HELZ: variants seen among roughly 807,000 people sequenced by gnomAD.
HELZ encodes the protein helicase with zinc finger.
In HELZ, 23 loss-of-function variants were observed where a neutral mutation model predicts 218.2. That is an observed-to-expected ratio of 0.11 (90% CI 0.08 to 0.15). The LOEUF (loss-of-function observed/expected upper bound fraction) is 0.15. Ranked by LOEUF, HELZ falls within the 10% of genes least tolerant of loss-of-function variation. The pLI is 1.00. For synonymous variants in HELZ, 814 were observed against 829.4 expected, an observed-to-expected ratio of 0.98 and a Z score of 0.32; for missense variants, 1,813 against 2,353.7, an observed-to-expected ratio of 0.77 and a Z score of 4.75.
intron 3 of HELZ, among the ~76,000 whole-genome samples, chr17:67,228,458 T>A (rs890587583): frequency 6.6e-6 from 1 of 152,032 alleles, no homozygotes; most frequent in Non-Finnish European, 1.5e-5. Context: ...GCTTAGGAGT[T>A]CGAGACCAGC....
intron 20 of HELZ, 74 bp downstream of exon 20, chr17:67,148,494 AG>A: frequency 8.1e-7 from 1 of 1,238,232 alleles, no homozygotes; most frequent in South Asian, 1.4e-5. Flanking sequence ...TGTCCCTAGC[AG>A]CAGTGCTGTT....
intron 7 of HELZ, among the ~76,000 whole-genome samples, chr17:67,197,078 A>C (rs1369055050): frequency 2.6e-5 from 4 of 152,080 alleles, no homozygotes; most frequent in African/African-American, 9.7e-5. Flanking sequence ...TCCCACCCAA[A>C]TCTCATCTTG....
intron 21 of HELZ, among the ~76,000 whole-genome samples, chr17:67,141,518 T>G (rs1476282362): frequency 6.6e-6 from 1 of 151,930 alleles, no homozygotes; most frequent in East Asian, 1.9e-4. Flanking sequence ...ATCTCCTGTG[T>G]CTTCTTTATT....
At chr17:67,125,985 A>T (rs529668426) in intron 24 of HELZ, among the ~76,000 whole-genome samples, 1 of 152,212 alleles carries the variant, frequency 6.6e-6, no homozygotes, top group Admixed American at 6.5e-5. Flanking sequence ...AATGATTCCC[A>T]GCTGACAGTC....
rs1444090994 is a variant in HELZ at position 67,070,666 on chromosome 17, C to A, written c.*7586G>T. ...AGACAAAGAAAGAAGAAAATAAAAA[C>A]CCTAGAGAGTGGCTTTGGGGTTATT... is the stretch of plus-strand genomic sequence containing the variant. On this transcript the variant is annotated 3_prime_UTR_variant, in exon 33 of 33. Coordinates refer to ENST00000358691, the MANE Select transcript of HELZ (RefSeq NM_014877.4). 1 of 152,082 alleles carries A rather than the reference C, an allele frequency of 6.6e-6. No individual in the cohort carries two copies. The highest frequency in any genetic ancestry group is 1.9e-4 in the East Asian group (1 of 5,194). The allele number at this position is 152,082 out of a possible 1,614,324, so 9.4% of individuals were successfully genotyped here.
At position 67,091,737 on chromosome 17, in the gene HELZ, A is replaced by G. The variant is rs537922764; in HGVS notation, c.5242-4656T>C. On this transcript the variant is annotated intron_variant, in intron 31 of 32. Coordinates refer to ENST00000358691, the MANE Select transcript of HELZ (RefSeq NM_014877.4). ...ACTGAAATATCATAGGTATCTTTCC[A>G]TGTCATGGACACTCTTATAATATCA... 2.6e-5 allele frequency among the ~76,000 whole-genome samples: 4 copies of G among 152,324 alleles called. No homozygotes were observed. In the South Asian group the frequency reaches 6.2e-4, roughly 24 times the overall value.
intron 3 of HELZ, among the ~76,000 whole-genome samples, chr17:67,223,894 T>C (rs954687347): frequency 3.3e-5 from 5 of 152,220 alleles, no homozygotes; most frequent in Non-Finnish European, 5.9e-5. Flanking sequence ...AGGACTCTAA[T>C]CCAAATCCAC....
At chr17:67,170,569 G>A (rs1403055798) in intron 13 of HELZ, among the ~76,000 whole-genome samples, 2 of 152,034 alleles carry the variant, frequency 1.3e-5, no homozygotes, top group East Asian at 1.9e-4. Context: ...GCTCACACCT[G>A]TAATCCCAGC....
chr17:67,143,155 A>G (rs1427591478), intron 21 of HELZ, among the ~76,000 whole-genome samples: 1 of 152,190 alleles, frequency 6.6e-6, no homozygotes, highest in Non-Finnish European at 1.5e-5. Flanking sequence ...TTCTCAAAAC[A>G]TATGAGGCAA....
chr17:67,125,917 T>C (rs2037780844), intron 24 of HELZ, among the ~76,000 whole-genome samples: 1 of 152,144 alleles, frequency 6.6e-6, no homozygotes, highest in Non-Finnish European at 1.5e-5. Context: ...GCACCACTGC[T>C]GGCTATGAGA....
rs1567777551 is a variant in HELZ at position 67,075,491 on chromosome 17, T to C, written c.*2761A>G. The stretch of plus-strand genomic sequence containing the variant: ...AGGGTTGAACCTAGCATATAAGTTA[T>C]GTTTCATAAATCTGATTTATGGGTA... On this transcript the variant is annotated 3_prime_UTR_variant, in exon 33 of 33. Coordinates refer to ENST00000358691, the MANE Select transcript of HELZ (RefSeq NM_014877.4). 6.6e-6 allele frequency: 1 copy of C among 152,210 alleles called. No homozygotes were observed. Among genetic ancestry groups the C allele is most frequent in the South Asian group, 2.1e-4 (1 of 4,836 alleles). 9.4% of individuals were successfully genotyped at this position (152,210 alleles called of 1,614,324 possible).
chr17:67,165,433 C>T (rs2039114985), intron 15 of HELZ, among the ~76,000 whole-genome samples: 1 of 152,104 alleles, frequency 6.6e-6, no homozygotes, highest in Non-Finnish European at 1.5e-5. Context: ...ACGTCAACAC[C>T]CAGGGTGACC....
At position 67,075,266 on chromosome 17, in the gene HELZ, T is replaced by C. The variant is rs2035988079; in HGVS notation, c.*2986A>G. ...AAATTAAAAAGTGAAACAAATATTC[T>C]GGCAAGAAAAAGAAAACTTCAGAGT... On this transcript the variant is annotated 3_prime_UTR_variant, in exon 33 of 33. Transcript: ENST00000358691. The C allele has an allele frequency of 1.3e-5, 2 of 151,898 alleles. No individual in the cohort carries two copies. The allele number at this position is 151,898 out of a possible 1,614,324, so 9.4% of individuals were successfully genotyped here. A position where few individuals can be genotyped will look rare whatever the true frequency, so the allele number is the denominator to read the frequency against.
chr17:67,106,985 A>C (rs1365469536), intron 31 of HELZ, among the ~76,000 whole-genome samples, 184 bp downstream of exon 31: 1 of 152,222 alleles, frequency 6.6e-6, no homozygotes, highest in Non-Finnish European at 1.5e-5. Context: ...TTTCAACAAA[A>C]GTGTCCACTT....
intron 19 of HELZ, 94 bp downstream of exon 19, chr17:67,149,773 G>A: frequency 1.5e-6 from 1 of 648,414 alleles, no homozygotes; most frequent in Non-Finnish European, 2.6e-6. Context: ...TATAATGCAT[G>A]GCATAATGTC....
At position 67,109,363 on chromosome 17, in the gene HELZ, C is replaced by G. The variant is rs2037207845; in HGVS notation, c.4242G>C (p.Gln1414His). 19 of 1,614,106 alleles carry G rather than the reference C, an allele frequency of 1.2e-5. No individual in the cohort carries two copies. The highest frequency in any genetic ancestry group is 1.6e-5 in the Non-Finnish European group (19 of 1,180,012). Reference protein sequence around the residue: ...QQSQLNQQPQQPPPQLSPAYQ... With the variant: ...QQSQLNQQPQHPPPQLSPAYQ... ...ATGCAGGAGAAAGCTGAGGAGGTGG[C>G]TGCTGAGGCTGCTGATTCAACTGAC... The change falls in exon 29 of 33, where the codon CAG becomes CAC. Residue 1414 changes from glutamine to histidine, a missense_variant. Physicochemically the swap from Gln to His is conservative, Grantham distance 24. Transcript: ENST00000358691.
chr17:67,145,788 T>A lies in HELZ; in HGVS notation c.2724A>T (p.Glu908Asp), dbSNP rs1346727719. 2.5e-6 allele frequency: 4 copies of A among 1,612,932 alleles called. No individual in the cohort carries two copies. Among genetic ancestry groups the A allele is most frequent in the South Asian group, 2.2e-5 (2 of 90,976 alleles). The change falls in exon 21 of 33, where the codon GAA (glutamate) becomes GAT (aspartate). Residue 908 changes from glutamate to aspartate, a missense_variant. By Grantham distance (45) the Glu-to-Asp change is conservative. Around this residue, in one of 4 missense-constraint regions of HELZ, gnomAD observed 156 missense variants for 274.4 expected, o/e 0.57. Transcript: ENST00000358691. ...YPLTFFTARG[E>D]DVQEKNSTAF... ...CTGTGCTATTTTTTTCTTGTACATCTTCTCCTCGTGCTGTAAAGAAAGTTA... is the reference window on the plus strand; with the variant it reads ...CTGTGCTATTTTTTTCTTGTACATCATCTCCTCGTGCTGTAAAGAAAGTTA...
At chr17:67,206,827 G>A (rs541560441) in intron 5 of HELZ, among the ~76,000 whole-genome samples, 4 of 151,766 alleles carry the variant, frequency 2.6e-5, no homozygotes, top group African/African-American at 7.3e-5. Flanking sequence ...TTGAACTCCC[G>A]ACCTCAGGTG....
intron 15 of HELZ, among the ~76,000 whole-genome samples, chr17:67,161,893 G>A (rs772600923): frequency 3.9e-5 from 6 of 152,040 alleles, no homozygotes; most frequent in Non-Finnish European, 5.9e-5. Flanking sequence ...CACAACTACC[G>A]TTAAAATACT....
Sources: allele counts gnomAD v4.1 joint callset (sites outside exome capture counted in the v4.1 genomes callset), GRCh38; gene constraint gnomAD v4.1.1; regional missense constraint gnomAD v4.1.1; transcripts MANE v1.5; gene names NCBI Gene and HGNC (gene_info 2026-07-23, HGNC 2026-07-21).